The following HS3ST5 variants were observed in gnomAD, a reference collection of about 807,000 sequenced individuals.
The protein encoded by HS3ST5 is heparan sulfate glucosamine 3-O-sulfotransferase 5.
HS3ST5 carries 10 observed loss-of-function variants against 25.4 expected under a neutral mutation model. That is an observed-to-expected ratio of 0.39 (90% CI 0.24 to 0.67). HS3ST5 has a LOEUF of 0.67. HS3ST5 is among the 30% of genes least tolerant of loss of function. The probability of loss-of-function intolerance (pLI) is 0.44; values close to 1 mark genes in which losing one functional copy is unlikely to be tolerated. For synonymous variants in HS3ST5, 170 were observed against 162.4 expected, an observed-to-expected ratio of 1.05 and a Z score of -0.36; for missense variants, 324 against 420.7, an observed-to-expected ratio of 0.77 and a Z score of 2.01.
chr6:114,209,951 T>A (rs759994688), intron 2 of HS3ST5, among the ~76,000 whole-genome samples: 10 of 152,270 alleles, frequency 6.6e-5, no homozygotes, highest in East Asian at 1.9e-4. Context: ...TTGGGCTTTT[T>A]AAAAAAATCT....
chr6:114,194,248 C>T (rs1780636731), intron 2 of HS3ST5, among the ~76,000 whole-genome samples: 1 of 152,146 alleles, frequency 6.6e-6, no homozygotes, highest in Non-Finnish European at 1.5e-5. Context: ...TTCCTAAAAG[C>T]TAGCTCCCTT....
chr6:114,243,706 G>A (rs1377320978), intron 1 of HS3ST5, among the ~76,000 whole-genome samples: 1 of 152,170 alleles, frequency 6.6e-6, no homozygotes, highest in Non-Finnish European at 1.5e-5. Context: ...CCACTGCTAT[G>A]TGCCTTTTAG....
At position 114,057,605 on chromosome 6, in the gene HS3ST5, G is replaced by A. The variant is rs150102894; in HGVS notation, c.693C>T (p.Thr231=). Residue 231 remains threonine, a synonymous_variant, in exon 5 of 5, where the codon ACC becomes ACT. Transcript: ENST00000312719. ...EVNTKYKAVR[T]SIYTKHLERW... is the part of the protein sequence containing the mutation. Reference sequence around the variant, plus strand: ...TTTCCAGATGTTTGGTGTAGATGCTGGTTCTTACTGCTTTGTATTTTGTGT... The same window carrying A: ...TTTCCAGATGTTTGGTGTAGATGCTAGTTCTTACTGCTTTGTATTTTGTGT... 1.3e-4 allele frequency: 204 copies of A among 1,614,022 alleles called. No individual in the cohort carries two copies. The highest frequency in any genetic ancestry group is 1.7e-4 in the Non-Finnish European group (202 of 1,180,032).
intron 2 of HS3ST5, among the ~76,000 whole-genome samples, chr6:114,226,106 T>C (rs776683010): frequency 1.3e-5 from 2 of 151,968 alleles, no homozygotes; most frequent in Non-Finnish European, 1.5e-5. Context: ...ACCAGAGAAT[T>C]AAGACATATT....
intron 1 of HS3ST5, among the ~76,000 whole-genome samples, chr6:114,236,943 C>T (rs753485413): frequency 6.6e-6 from 1 of 152,168 alleles, no homozygotes; most frequent in African/African-American, 2.4e-5. Context: ...CTGCCGACGC[C>T]GGGCCCATGT....
intron 1 of HS3ST5, among the ~76,000 whole-genome samples, chr6:114,261,992 A>G (rs1486765973): frequency 6.6e-6 from 1 of 152,206 alleles, no homozygotes; most frequent in Non-Finnish European, 1.5e-5. Flanking sequence ...TACCAGCAGC[A>G]GAAAATAATG....
intron 1 of HS3ST5, among the ~76,000 whole-genome samples, chr6:114,236,306 T>TAC (rs1477197857): frequency 6.6e-6 from 1 of 152,204 alleles, no homozygotes; most frequent in Non-Finnish European, 1.5e-5. Context: ...AACTTATACA[T>TAC]AGGTACACTC....
At chr6:114,182,613 G>C (rs959360429) in intron 2 of HS3ST5, among the ~76,000 whole-genome samples, 1 of 152,150 alleles carries the variant, frequency 6.6e-6, no homozygotes, top group Non-Finnish European at 1.5e-5. Context: ...TCCTGCAGTA[G>C]AATCAGTGGA....
At chr6:114,070,973 A>C (rs1036841224) in intron 3 of HS3ST5, among the ~76,000 whole-genome samples, 1 of 152,190 alleles carries the variant, frequency 6.6e-6, no homozygotes, top group Admixed American at 6.5e-5. Flanking sequence ...AATCTTTCCC[A>C]GTGGAAACTG....
chr6:114,331,510 A>G (rs139936233), intron 1 of HS3ST5, among the ~76,000 whole-genome samples: 130 of 152,280 alleles, frequency 8.5e-4, no homozygotes, highest in African/African-American at 3.0e-3. Context: ...AATCATATAC[A>G]AGAAGTCACC....
At chr6:114,170,546 G>A (rs550271118) in intron 2 of HS3ST5, among the ~76,000 whole-genome samples, 1 of 152,210 alleles carries the variant, frequency 6.6e-6, no homozygotes, top group African/African-American at 2.4e-5. Context: ...AGTTGGAAAT[G>A]GATTAGCAAA....
intron 1 of HS3ST5, among the ~76,000 whole-genome samples, chr6:114,339,205 T>C (rs1445671763): frequency 6.6e-5 from 10 of 152,160 alleles, no homozygotes; most frequent in Admixed American, 6.5e-4. Context: ...AACACAACTC[T>C]AGTGTTACTG....
At chr6:114,290,836 A>AT (rs35506270) in intron 1 of HS3ST5, among the ~76,000 whole-genome samples, 50,026 of 150,400 alleles carry the variant, frequency 0.33, 8,955 homozygotes, top group Non-Finnish European at 0.42. Flanking sequence ...TTGTGTTACT[A>AT]TTTTTTTTTT....
At chr6:114,245,566 G>T (rs1387600600) in intron 1 of HS3ST5, among the ~76,000 whole-genome samples, 1 of 152,012 alleles carries the variant, frequency 6.6e-6, no homozygotes, top group Non-Finnish European at 1.5e-5. Context: ...GCTGGTGTGG[G>T]GACAGCCACA....
chr6:114,108,571 C>T (rs1469306182), intron 3 of HS3ST5, among the ~76,000 whole-genome samples: 4 of 152,092 alleles, frequency 2.6e-5, no homozygotes, highest in Non-Finnish European at 4.4e-5. Flanking sequence ...ATCTCTCCGG[C>T]GCCCTCTACC....
intron 1 of HS3ST5, among the ~76,000 whole-genome samples, chr6:114,332,078 A>G (rs1214946477): frequency 2.0e-5 from 3 of 152,172 alleles, no homozygotes; most frequent in African/African-American, 7.2e-5. Flanking sequence ...TTGGTCTGCA[A>G]GTAGAAAATG....
At chr6:114,279,559 G>A (rs1774012297) in intron 1 of HS3ST5, among the ~76,000 whole-genome samples, 1 of 151,958 alleles carries the variant, frequency 6.6e-6, no homozygotes, top group South Asian at 2.1e-4. Context: ...GCCAAATGGG[G>A]GTGTTCTCTA....
intron 3 of HS3ST5, among the ~76,000 whole-genome samples, chr6:114,105,217 A>G (rs1012827283): frequency 6.6e-5 from 10 of 152,212 alleles, no homozygotes; most frequent in African/African-American, 2.4e-4. Context: ...GGAGCGCTGA[A>G]AAGTGATATA....
chr6:114,084,085 C>CTTTTT (rs367546368), intron 3 of HS3ST5: 11 of 463,800 alleles, frequency 2.4e-5, no homozygotes, highest in South Asian at 6.3e-5. Flanking sequence ...ATTTTCTTTT[C>CTTTTT]TTTTTTTTTT....
Sources: allele counts gnomAD v4.1 joint callset (sites outside exome capture counted in the v4.1 genomes callset), GRCh38; gene constraint gnomAD v4.1.1; transcripts MANE v1.5; gene names NCBI Gene and HGNC (gene_info 2026-07-23, HGNC 2026-07-21).